The following GNA13 variants were observed in gnomAD, a reference collection of about 807,000 sequenced individuals.
GNA13 encodes G protein subunit alpha 13, also known as guanine nucleotide-binding protein subunit alpha-13.
In GNA13, 4 loss-of-function variants were observed where a neutral mutation model predicts 33.5. The observed-to-expected ratio is 0.12, with a 90% CI of 0.06 to 0.27. The LOEUF (loss-of-function observed/expected upper bound fraction) is 0.27, where lower values mean the gene tolerates loss of function less well. Among genes scored for constraint, GNA13 ranks in the 10% least tolerant of loss-of-function variants. The probability of loss-of-function intolerance (pLI) is 1.00; values close to 1 mark genes in which losing one functional copy is unlikely to be tolerated. For missense variants in GNA13, 319 were observed against 487.2 expected (o/e 0.65, Z 3.25); for synonymous variants, 176 against 183.8 (o/e 0.96, Z 0.34).
intron 1 of GNA13, 72 bp downstream of exon 1, chr17:65,056,239 G>GCCCGGCCCCCCCCCCCCCCCCCCC: frequency 3.7e-5 from 35 of 936,160 alleles, no homozygotes; most frequent in East Asian, 1.3e-4. Context: ...CCAGGGCGGT[G>GCCCGGCCCCCCCCCCCCCCCCCCC]CCCCGCCCCG....
chr17:65,055,516 C>T (rs1908013432), intron 1 of GNA13: 1 of 686,186 alleles, frequency 1.5e-6, no homozygotes, highest in Non-Finnish European at 1.8e-6. Flanking sequence ...GTGGTACTCC[C>T]TTCCTGCCAG....
In GNA13 at chr17:65,053,715, C is replaced by T. The variant is rs375975490; in HGVS notation, c.297G>A (p.Leu99=). The change falls in exon 2 of 4, where the codon CTG becomes CTA. Residue 99 remains leucine (L), a synonymous_variant. Coordinates refer to ENST00000439174, the MANE Select transcript of GNA13 (RefSeq NM_006572.6). Reference sequence around the variant, plus strand: ...TATGAAGCTTCTCTCGAGCATCAACCAGCACCCTCATACCTTTGTTTAAAA... The same window carrying T: ...TATGAAGCTTCTCTCGAGCATCAACTAGCACCCTCATACCTTTGTTTAAAA... ...YSNVIKGMRV[L]VDAREKLHIP... is the part of the protein sequence containing the mutation. 2 of 1,608,782 alleles carry T rather than the reference C, an allele frequency of 1.2e-6. No individual in the cohort carries two copies. The highest frequency in any genetic ancestry group is 8.5e-7 in the Non-Finnish European group (1 of 1,175,176).
chr17:65,032,354 C>T (rs1213746845), intron 2 of GNA13, among the ~76,000 whole-genome samples: 2 of 152,080 alleles, frequency 1.3e-5, no homozygotes, highest in Non-Finnish European at 2.9e-5. Flanking sequence ...TGAAATATAC[C>T]ATGAGATTGT....
chr17:65,025,758 T>A (rs568797418), intron 2 of GNA13, among the ~76,000 whole-genome samples: 1 of 148,374 alleles, frequency 6.7e-6, no homozygotes, highest in South Asian at 2.1e-4. Flanking sequence ...AGAGCAAGGA[T>A]CGCCTGAGCC....
chr17:65,049,921 G>C (rs574204327), intron 2 of GNA13, among the ~76,000 whole-genome samples: 2 of 152,170 alleles, frequency 1.3e-5, no homozygotes, highest in Non-Finnish European at 2.9e-5. Flanking sequence ...GTAACAGATA[G>C]GGTAAAGAAT....
chr17:65,029,543 T>C (rs1236498117), intron 2 of GNA13, among the ~76,000 whole-genome samples: 1 of 152,178 alleles, frequency 6.6e-6, no homozygotes, highest in Non-Finnish European at 1.5e-5. Context: ...GTATCCTGAT[T>C]CTTATTTTTC....
At chr17:65,033,019 G>A (rs1907104508) in intron 2 of GNA13, among the ~76,000 whole-genome samples, 1 of 151,936 alleles carries the variant, frequency 6.6e-6, no homozygotes, top group Non-Finnish European at 1.5e-5. Flanking sequence ...GCTGAGGCAG[G>A]AGAATTGCTT....
chr17:65,047,748 T>C (rs1277115356), intron 2 of GNA13, among the ~76,000 whole-genome samples: 1 of 151,956 alleles, frequency 6.6e-6, no homozygotes, highest in Non-Finnish European at 1.5e-5. Context: ...TCCTCCTGTC[T>C]CCCCAGAAGC....
At chr17:65,052,994 T>G (rs1347914067) in intron 2 of GNA13, 4 of 156,708 alleles carry the variant, frequency 2.6e-5, no homozygotes, top group African/African-American at 7.2e-5. Context: ...ACCACTGCAC[T>G]CCAGCCTGGG....
chr17:65,030,305 CAGGGCTATTAA>C (rs1395939665), intron 2 of GNA13, among the ~76,000 whole-genome samples: 1 of 152,172 alleles, frequency 6.6e-6, no homozygotes, highest in Non-Finnish European at 1.5e-5. Context: ...AATGACCAAG[CAGGGCTATTAA>C]CTACTCCAAG....
At chr17:65,026,845 C>G (rs1486865507) in intron 2 of GNA13, among the ~76,000 whole-genome samples, 1 of 152,186 alleles carries the variant, frequency 6.6e-6, no homozygotes, top group Non-Finnish European at 1.5e-5. Flanking sequence ...ATGGCAGGAT[C>G]CTGGCTCACC....
At chr17:65,052,494 T>C (rs970843756) in intron 2 of GNA13, among the ~76,000 whole-genome samples, 12 of 152,216 alleles carry the variant, frequency 7.9e-5, no homozygotes, top group Non-Finnish European at 1.6e-4. Context: ...TTAATCATAT[T>C]AGAGTAAAAC....
In GNA13 at chr17:65,056,723, G is replaced by A; in HGVS notation, c.-130C>T. ...CGGCGGCCCGAGCGCGCCCAGGGAG[G>A]GAGGGAACCAGCGAACTGACTCGCA... is the stretch of plus-strand genomic sequence containing the variant. On this transcript the variant is annotated 5_prime_UTR_variant, in exon 1 of 4. Coordinates refer to ENST00000439174, the MANE Select transcript of GNA13 (RefSeq NM_006572.6). 2 of 514,636 alleles carry A rather than the reference G, an allele frequency of 3.9e-6. No individual in the cohort carries two copies. The highest frequency in any genetic ancestry group is 5.9e-6 in the Non-Finnish European group (2 of 338,896). The allele number at this position is 514,636 out of a possible 1,614,324, so 31.9% of individuals were successfully genotyped here. A position where few individuals can be genotyped will look rare whatever the true frequency, so the allele number is the denominator to read the frequency against.
At chr17:65,045,159 G>C (rs1350354450) in intron 2 of GNA13, among the ~76,000 whole-genome samples, 1 of 151,934 alleles carries the variant, frequency 6.6e-6, no homozygotes, top group Non-Finnish European at 1.5e-5. Flanking sequence ...CACTGTCCTA[G>C]AAAAATGTTG....
chr17:65,053,538 T>C lies in GNA13; in HGVS notation c.474A>G (p.Ile158Met), dbSNP rs1907929370. 6 of 1,612,244 alleles carry C rather than the reference T, an allele frequency of 3.7e-6. No individual in the cohort carries two copies. The highest frequency in any genetic ancestry group is 5.1e-6 in the Non-Finnish European group (6 of 1,178,208). Residue 158 changes from isoleucine (I) to methionine (M), a missense_variant, in exon 2 of 4, where the codon ATA becomes ATG. By Grantham distance (10) the Ile-to-Met change is conservative. Coordinates refer to ENST00000439174, the MANE Select transcript of GNA13 (RefSeq NM_006572.6). ...CTCGACGCCGGTCATAGGCATTCTG[T>C]ATGCCGCTGTCTGCCCATAATGCTC... ...AIRALWADSG[I>M]QNAYDRRREF...
At chr17:65,033,106 A>G (rs1025190942) in intron 2 of GNA13, among the ~76,000 whole-genome samples, 2 of 151,572 alleles carry the variant, frequency 1.3e-5, no homozygotes, top group African/African-American at 4.9e-5. Flanking sequence ...GCGAGACTCC[A>G]TTTAAAAAAA....
chr17:65,036,111 G>C (rs975378663), intron 2 of GNA13, among the ~76,000 whole-genome samples: 1 of 152,180 alleles, frequency 6.6e-6, no homozygotes, highest in African/African-American at 2.4e-5. Context: ...TCCCAGTTTA[G>C]AGCTCAATCA....
chr17:65,045,507 C>A (rs1315250242), intron 2 of GNA13, among the ~76,000 whole-genome samples: 301 of 86,870 alleles, frequency 3.5e-3, no homozygotes, highest in African/African-American at 5.4e-3. Flanking sequence ...GACTCTGTCT[C>A]AAAAAAAAAA....
chr17:65,015,662 TAA>T (rs59210481), intron 3 of GNA13, among the ~76,000 whole-genome samples: 15 of 74,704 alleles, frequency 2.0e-4, no homozygotes, highest in African/African-American at 4.0e-4. Context: ...GACTTTGTCT[TAA>T]AAAAAAAAAA....
Sources: gnomAD v4.1 joint callset for allele counts (sites outside exome capture counted in the v4.1 genomes callset) on GRCh38, gnomAD v4.1.1 for gene constraint, MANE v1.5 for transcripts, NCBI Gene and HGNC (gene_info 2026-07-23, HGNC 2026-07-21) for gene names.